PLA2G4B: variants seen among roughly 807,000 people sequenced by gnomAD.
The protein encoded by PLA2G4B is phospholipase A2 group IVB, also known as cytosolic phospholipase A2 beta.
Under a neutral mutation model 95.8 loss-of-function variants are expected in PLA2G4B, and 122 were observed. That is an observed-to-expected ratio of 1.27 (90% CI 1.10 to 1.48). PLA2G4B has a LOEUF of 1.48. PLA2G4B is among the 40% of genes most tolerant of loss of function. PLA2G4B has a pLI of 0.00. For missense variants in PLA2G4B, 1,158 were observed against 996.2 expected, an observed-to-expected ratio of 1.16 and a Z score of -2.19; for synonymous variants, 518 against 421.5, an observed-to-expected ratio of 1.23 and a Z score of -2.80.
intron 14 of PLA2G4B, 101 bp downstream of exon 14, chr15:41,845,421 G>T (rs2065520170): frequency 1.3e-6 from 2 of 1,498,402 alleles, no homozygotes; most frequent in South Asian, 2.5e-5. Flanking sequence ...CACCTCTCCT[G>T]AGCCAGGTCC....
chr15:41,845,737 T>C lies in PLA2G4B; in HGVS notation c.1457T>C (p.Met486Thr), dbSNP rs1567172262. 2 of 1,611,388 alleles carry C rather than the reference T, an allele frequency of 1.2e-6. No homozygotes were observed. The highest frequency in any genetic ancestry group is 1.1e-5 in the South Asian group (1 of 90,762). Residue 486 changes from methionine to threonine, a missense_variant, in exon 15 of 20, where the codon ATG becomes ACG. By Grantham distance (81) the Met-to-Thr change is moderately conservative. Transcript: ENST00000458483. ...FGSEFFMGQLMKRLPESRICF... is the reference protein window; with the variant it reads ...FGSEFFMGQLTKRLPESRICF... Reference sequence around the variant, plus strand: ...TCCGAGTTCTTTATGGGGCAGCTGATGAAGAGGCTTCCTGAGTCCCGCATC... The same window carrying C: ...TCCGAGTTCTTTATGGGGCAGCTGACGAAGAGGCTTCCTGAGTCCCGCATC...
rs2065421765 is a variant in PLA2G4B, at chr15:41,841,050, C to T, written c.352-5C>T. The stretch of plus-strand genomic sequence containing the variant: ...TTTCTAACTTACTTCTGGCTCTCTT[C>T]CCAGGGTGAGGGGCGCCTGGAAGTT... On this transcript the variant is annotated splice_region_variant and splice_polypyrimidine_tract_variant and intron_variant, in intron 4 of 19. Coordinates refer to ENST00000458483, the MANE Select transcript of PLA2G4B (RefSeq NM_001114633.2). 4 of 1,575,970 alleles carry T rather than the reference C, an allele frequency of 2.5e-6. No individual in the cohort carries two copies. Among genetic ancestry groups the T allele is most frequent in the Admixed American group, 1.7e-5 (1 of 57,220 alleles).
intron 13 of PLA2G4B, 39 bp from the exon 14 acceptor site, chr15:41,845,164 A>C (rs2065514913): frequency 6.2e-7 from 1 of 1,612,896 alleles, no homozygotes; most frequent in African/African-American, 1.3e-5. Context: ...CTGGGCACCC[A>C]GGCCGCTGTG....
chr15:41,843,565 GGGTTGGGGAGAA>G, intron 10 of PLA2G4B, 99 bp from the exon 11 acceptor site: 2 of 1,516,968 alleles, frequency 1.3e-6, no homozygotes, highest in Non-Finnish European at 1.8e-6. Flanking sequence ...GTGGCATTGA[GGGTTGGGGAGAA>G]GAGGGAGGGC....
chr15:41,847,319 C>A lies in PLA2G4B; in HGVS notation c.1948-18C>A. Reference sequence around the variant, plus strand: ...CAGGGGCCCTGTCCCTCTGAAGCCCCTTCTGCCTGCCCTGCAGCAGTTGCA... The same window carrying A: ...CAGGGGCCCTGTCCCTCTGAAGCCCATTCTGCCTGCCCTGCAGCAGTTGCA... On this transcript the variant is annotated intron_variant, in intron 18 of 19. Transcript: ENST00000458483. The A allele has an allele frequency of 6.3e-7, 1 of 1,583,520 alleles. No homozygotes were observed.
intron 17 of PLA2G4B, 112 bp downstream of exon 17, chr15:41,846,494 C>T: frequency 2.6e-6 from 4 of 1,514,406 alleles, no homozygotes; most frequent in Non-Finnish European, 2.7e-6. Flanking sequence ...ATTCCCTGGA[C>T]TACTTGGAAC....
chr15:41,841,915 C>G lies in PLA2G4B; in HGVS notation c.587C>G (p.Ala196Gly), dbSNP rs1219148265. 3.8e-5 allele frequency: 61 copies of G among 1,613,054 alleles called. No individual in the cohort carries two copies. Among genetic ancestry groups the G allele is most frequent in the Non-Finnish European group, 4.9e-5 (58 of 1,179,880 alleles). ...GGCACCTTCCGCTTCCACTGCCCAGCCTGCTGGGAGCAGGAGCTGAGTATT... is the reference window on the plus strand; with the variant it reads ...GGCACCTTCCGCTTCCACTGCCCAGGCTGCTGGGAGCAGGAGCTGAGTATT... ...GTGTFRFHCPACWEQELSIRL... is the reference protein window; with the variant it reads ...GTGTFRFHCPGCWEQELSIRL... Residue 196 changes from alanine (A) to glycine (G), a missense_variant, in exon 8 of 20, where the codon GCC (alanine) becomes GGC (glycine). Physicochemically the swap from Ala to Gly is moderately conservative, Grantham distance 60. Transcript: ENST00000458483.
chr15:41,844,025 G>A (rs1009723266), intron 11 of PLA2G4B, among the ~76,000 whole-genome samples: 16 of 152,332 alleles, frequency 1.1e-4, no homozygotes, highest in African/African-American at 3.4e-4. Context: ...TCATAGGGCT[G>A]GCTTTCCTAC....
At position 41,847,774 on chromosome 15, in the gene PLA2G4B, C is replaced by CATT. The variant is rs1555458910; in HGVS notation, c.2262_2264dup (p.Tyr755dup). The CATT allele has an allele frequency of 1.2e-6, 2 of 1,613,720 alleles. No homozygotes were observed. Among genetic ancestry groups the CATT allele is most frequent in the Non-Finnish European group, 1.7e-6 (2 of 1,180,046 alleles). On this transcript the variant is annotated inframe_insertion, in exon 20 of 20. Transcript: ENST00000458483. ...CGTGGACAAGCTGCTGCACCTGACACATTACAATGTCTGCAACAACCAGGA... is the reference window on the plus strand; with the variant it reads ...CGTGGACAAGCTGCTGCACCTGACACATTATTACAATGTCTGCAACAACCAGGA...
In PLA2G4B at chr15:41,846,843, A is replaced by C; in HGVS notation, c.1947+8A>C. The C allele has an allele frequency of 6.3e-7, 1 of 1,599,228 alleles. No homozygotes were observed. The highest frequency in any genetic ancestry group is 2.3e-5 in the East Asian group (1 of 44,440). The stretch of plus-strand genomic sequence containing the variant: ...CTCCACGGAGCCTTCCAGGTTGGGA[A>C]GGGTGGGCAGCCCACCAGGGAGGCG... On this transcript the variant is annotated splice_region_variant and intron_variant, in intron 18 of 19. Coordinates refer to ENST00000458483, the MANE Select transcript of PLA2G4B (RefSeq NM_001114633.2).
At position 41,842,547 on chromosome 15, in the gene PLA2G4B, T is replaced by A; in HGVS notation, c.706-7T>A. 1 of 1,610,728 alleles carries A rather than the reference T, an allele frequency of 6.2e-7. No homozygotes were observed. Among genetic ancestry groups the A allele is most frequent in the Non-Finnish European group, 8.5e-7 (1 of 1,178,976 alleles). ...CCTTTTGTGACTGGGGCCTTCACGG[T>A]TTTCAGGAGCCCCTGATGAGAGTGG... On this transcript the variant is annotated splice_polypyrimidine_tract_variant and splice_region_variant and intron_variant, in intron 9 of 19. Transcript: ENST00000458483.
chr15:41,839,998 A>G, intron 1 of PLA2G4B, 160 bp from the exon 2 acceptor site: 3 of 795,528 alleles, frequency 3.8e-6, no homozygotes, highest in Non-Finnish European at 3.9e-6. Context: ...CATGATGGAG[A>G]TATCATGTCT....
Position 41,845,052 on chromosome 15 carries a change from G to A in PLA2G4B, c.1221G>A (p.Glu407=), listed in dbSNP as rs752013304. ...CFTNLWALIN[E]ALLHDEPHDH... ...CCAACCTGTGGGCCCTCATCAACGA[G>A]GCGCTGCTGCATGATGAGGTGCGGG... is the stretch of plus-strand genomic sequence containing the variant. The change falls in exon 13 of 20, where the codon GAG becomes GAA. Residue 407 remains glutamate, a synonymous_variant. Coordinates refer to ENST00000458483, the MANE Select transcript of PLA2G4B (RefSeq NM_001114633.2). 17 of 1,598,090 alleles carry A rather than the reference G, an allele frequency of 1.1e-5. No homozygotes were observed. Among genetic ancestry groups the A allele is most frequent in the Admixed American group, 1.7e-5 (1 of 58,112 alleles).
At chr15:41,840,260 T>G (rs1373074047) in intron 2 of PLA2G4B, 30 bp downstream of exon 2, 5 of 1,610,946 alleles carry the variant, frequency 3.1e-6, no homozygotes, top group Non-Finnish European at 4.2e-6. Flanking sequence ...GCCCCTGTGC[T>G]GGGCTGAGGG....
chr15:41,840,030 TGATGA>T (rs2065395111), intron 1 of PLA2G4B, 123 bp from the exon 2 acceptor site: 1 of 1,021,900 alleles, frequency 9.8e-7, no homozygotes, highest in African/African-American at 1.6e-5. Context: ...TTCAGGATTC[TGATGA>T]GATGGAGGAT....
In PLA2G4B at chr15:41,847,961, G is replaced by A; in HGVS notation, c.*101G>A. 6.8e-7 allele frequency: 1 copy of A among 1,460,082 alleles called. No individual in the cohort carries two copies. Among genetic ancestry groups the A allele is most frequent in the South Asian group, 1.3e-5 (1 of 74,388 alleles). 90.4% of individuals were successfully genotyped at this position (1,460,082 alleles called of 1,614,324 possible). A position where few individuals can be genotyped will look rare whatever the true frequency, so the allele number is the denominator to read the frequency against. The stretch of plus-strand genomic sequence containing the variant: ...CAGTGCTTCAGAGCCTCGGGCTCAG[G>A]TGGCACGGTCCCAGGGTCCAGGCTG... On this transcript the variant is annotated 3_prime_UTR_variant, in exon 20 of 20. Coordinates refer to ENST00000458483, the MANE Select transcript of PLA2G4B (RefSeq NM_001114633.2).
chr15:41,841,361 C>T (rs1240016299), intron 6 of PLA2G4B, 88 bp downstream of exon 6: 40 of 1,610,332 alleles, frequency 2.5e-5, no homozygotes, highest in Non-Finnish European at 3.1e-5. Flanking sequence ...ACCGCTGCCT[C>T]AGCCTGGGGA....
intron 6 of PLA2G4B, 27 bp downstream of exon 6, chr15:41,841,300 G>A (rs749868898): frequency 5.6e-6 from 9 of 1,611,942 alleles, no homozygotes; most frequent in Middle Eastern, 2.1e-4. Context: ...TCTGGGAGGC[G>A]GTCTGGGGTC....
At chr15:41,845,126 G>T (rs113416462) in intron 13 of PLA2G4B, 56 bp downstream of exon 13, 5 of 1,603,388 alleles carry the variant, frequency 3.1e-6, no homozygotes, top group South Asian at 1.1e-5. Context: ...GCTGGGGCTC[G>T]GTGCTGGACA....
Sources: gnomAD v4.1 joint callset for allele counts (sites outside exome capture counted in the v4.1 genomes callset) on GRCh38, gnomAD v4.1.1 for gene constraint, MANE v1.5 for transcripts, NCBI Gene and HGNC (gene_info 2026-07-23, HGNC 2026-07-21) for gene names.